KRIT1: variants seen among roughly 807,000 people sequenced by gnomAD.
KRIT1 encodes KRIT1 ankyrin repeat containing.
Under a neutral mutation model 95.8 loss-of-function variants are expected in KRIT1, and 45 were observed. That is an observed-to-expected ratio of 0.47 (90% CI 0.37 to 0.60). The LOEUF (loss-of-function observed/expected upper bound fraction) is 0.60. KRIT1 is among the 20% of genes least tolerant of loss of function. The pLI is 0.00. For synonymous variants in KRIT1, 282 were observed against 278.8 expected, an observed-to-expected ratio of 1.01 and a Z score of -0.11; for missense variants, 788 against 877.5, an observed-to-expected ratio of 0.90 and a Z score of 1.29.
chr7:92,201,809 A>T (rs913899765), intron 17 of KRIT1, among the ~76,000 whole-genome samples: 16 of 151,914 alleles, frequency 1.1e-4, no homozygotes, highest in Non-Finnish European at 2.2e-4. Flanking sequence ...TTCTTGTGAT[A>T]GTTTGCTGAG....
chr7:92,236,286 T>C lies in KRIT1; in HGVS notation c.485+127A>G, dbSNP rs1798417958. The C allele has an allele frequency of 1.9e-5, 13 of 673,534 alleles. No individual in the cohort carries two copies. The South Asian group carries it at 2.5e-4, about 13-fold the overall frequency. 41.7% of individuals were successfully genotyped at this position (673,534 alleles called of 1,614,324 possible). ...ATTTTTATATTAGAATTGAAAAACTTACCATTTTTTAATACATATATTATT... is the reference window on the plus strand; with the variant it reads ...ATTTTTATATTAGAATTGAAAAACTCACCATTTTTTAATACATATATTATT... On this transcript the variant is annotated intron_variant, in intron 7 of 18. Transcript: ENST00000394505.
At chr7:92,200,899 G>C in intron 18 of KRIT1, 95 bp from the exon 19 acceptor site, 1 of 856,780 alleles carries the variant, frequency 1.2e-6, no homozygotes, top group South Asian at 1.4e-5. Flanking sequence ...TATTTGAAAG[G>C]GAACTTTCTT....
Position 92,235,478 on chromosome 7 carries a change from T to G in KRIT1, c.654A>C (p.Lys218Asn). ...MGYSALEIKS[K>N]MLALEKADTC... ...TATCTGCTTTCTCTAGGGCTAACAT[T>G]TTACTCTTTATTTCTAGTGCACTAT... The change falls in exon 8 of 19, where the codon AAA (lysine) becomes AAC (asparagine). Residue 218 changes from lysine to asparagine, a missense_variant. Around this residue, in one of 3 missense-constraint regions of KRIT1, gnomAD observed 289 missense variants for 277.5 expected, o/e 1.04. Coordinates refer to ENST00000394505, the MANE Select transcript of KRIT1 (RefSeq NM_194454.3). The G allele has an allele frequency of 6.2e-7, 1 of 1,613,446 alleles. No individual in the cohort carries two copies. The highest frequency in any genetic ancestry group is 1.7e-5 in the Admixed American group (1 of 60,028).
chr7:92,238,569 T>A (rs1259132064), intron 5 of KRIT1, among the ~76,000 whole-genome samples: 1 of 152,216 alleles, frequency 6.6e-6, no homozygotes, highest in Non-Finnish European at 1.5e-5. Context: ...GTACAAAATA[T>A]AAGTGCTAGA....
intron 3 of KRIT1, 78 bp from the exon 4 acceptor site, chr7:92,242,215 C>T (rs1799828164): frequency 2.4e-6 from 2 of 820,918 alleles, no homozygotes; most frequent in Non-Finnish European, 2.1e-6. Flanking sequence ...AGTAATGCAT[C>T]TTAAATTGAA....
At chr7:92,242,243 AATC>A (rs1799833741) in intron 3 of KRIT1, 106 bp from the exon 4 acceptor site, 2 of 725,714 alleles carry the variant, frequency 2.8e-6, no homozygotes, top group Non-Finnish European at 4.9e-6. Flanking sequence ...ATTTCCACAT[AATC>A]ATGTCGAAAA....
At chr7:92,246,088 G>T, upstream of KRIT1, 1 of 283,438 alleles carries the variant, frequency 3.5e-6, no homozygotes. Flanking sequence ...GGTGCCAGCG[G>T]CTGAGCCGGA....
intron 17 of KRIT1, chr7:92,207,007 G>T (rs1005649624): frequency 3.3e-5 from 5 of 151,576 alleles, no homozygotes; most frequent in African/African-American, 1.2e-4. Flanking sequence ...TGACATGTGG[G>T]GACACCATAA....
chr7:92,220,934 C>T (rs1163280746), intron 14 of KRIT1, among the ~76,000 whole-genome samples: 4 of 151,344 alleles, frequency 2.6e-5, no homozygotes, highest in Admixed American at 1.3e-4. Flanking sequence ...GTGATCCACC[C>T]GCCTTGGCCT....
intron 7 of KRIT1, chr7:92,236,051 G>A: frequency 4.0e-6 from 1 of 250,760 alleles, no homozygotes; most frequent in Admixed American, 5.1e-5. Context: ...AAACTACTGA[G>A]ATGTAGGTGA....
chr7:92,214,760 A>G lies in KRIT1; in HGVS notation c.1581T>C (p.Ala527=). ...EVEKQIEDPL[A]ILILFDEARY... is the part of the protein sequence containing the mutation. ...TGGCTTCATCAAAGAGAATAAGAAT[A>G]GCTAGTGGGTCTTCAATCTTAAAGG... Residue 527 remains alanine, a synonymous_variant, in exon 15 of 19, where the codon GCT becomes GCC. Coordinates refer to ENST00000394505, the MANE Select transcript of KRIT1 (RefSeq NM_194454.3). 1 of 1,602,240 alleles carries G rather than the reference A, an allele frequency of 6.2e-7. No individual in the cohort carries two copies. Among genetic ancestry groups the G allele is most frequent in the Non-Finnish European group, 8.6e-7 (1 of 1,169,458 alleles).
At chr7:92,245,363 G>C (rs1800699014) in intron 1 of KRIT1, 192 bp from the exon 2 acceptor site, 1 of 151,912 alleles carries the variant, frequency 6.6e-6, no homozygotes, top group Non-Finnish European at 1.5e-5. Flanking sequence ...TTTGCTCAAA[G>C]AGTTTCCACC....
intron 12 of KRIT1, among the ~76,000 whole-genome samples, chr7:92,224,886 G>A (rs1001237502): frequency 6.6e-6 from 1 of 152,152 alleles, no homozygotes; most frequent in Admixed American, 6.5e-5. Context: ...CAGGCTGGGC[G>A]TGGTGGTTCA....
At chr7:92,205,928 G>T (rs565601047) in intron 17 of KRIT1, 1 of 152,268 alleles carries the variant, frequency 6.6e-6, no homozygotes, top group Non-Finnish European at 1.5e-5. Context: ...TCTAAAGTGG[G>T]ATTGAAAAGG....
In KRIT1 at chr7:92,213,901, A is replaced by G. The variant is rs149754162; in HGVS notation, c.1809T>C (p.His603=). 2.4e-4 allele frequency: 383 copies of G among 1,589,196 alleles called. 1 individual carries two copies. The highest frequency in any genetic ancestry group is 2.4e-3 in the South Asian group (218 of 90,600). The change falls in exon 16 of 19, where the codon CAT becomes CAC. Residue 603 remains histidine (H), a synonymous_variant. Transcript: ENST00000394505. Reference sequence around the variant, plus strand: ...CTATTAAACAGCTTACCTTGTATTCATGAAGTATGCGATTTGTCCAGTGAG... The same window carrying G: ...CTATTAAACAGCTTACCTTGTATTCGTGAAGTATGCGATTTGTCCAGTGAG... The part of the protein sequence containing the change: ...KAPHWTNRIL[H]EYKNLSTSEG...
intron 14 of KRIT1, 75 bp from the exon 15 acceptor site, chr7:92,214,852 G>C: frequency 9.8e-7 from 1 of 1,018,700 alleles, no homozygotes; most frequent in Non-Finnish European, 1.5e-6. Flanking sequence ...TATGGGAAAA[G>C]CAAAAGCTAC....
chr7:92,229,824 T>C (rs1796923084), intron 10 of KRIT1, among the ~76,000 whole-genome samples: 1 of 152,362 alleles, frequency 6.6e-6, no homozygotes, highest in East Asian at 1.9e-4. Context: ...AGTGTCTTTA[T>C]ATTCTCCAAA....
chr7:92,210,859 A>G (rs558623892), intron 17 of KRIT1, among the ~76,000 whole-genome samples: 3 of 152,340 alleles, frequency 2.0e-5, no homozygotes, highest in Non-Finnish European at 2.9e-5. Flanking sequence ...CCCATTATAA[A>G]GTAGGCAATG....
At chr7:92,215,968 G>A (rs868399594) in intron 14 of KRIT1, among the ~76,000 whole-genome samples, 10 of 152,054 alleles carry the variant, frequency 6.6e-5, no homozygotes, top group Middle Eastern at 3.4e-3. Context: ...GGTGGCTCAC[G>A]CCTGTAATCC....
Sources: gnomAD v4.1 joint callset for allele counts (sites outside exome capture counted in the v4.1 genomes callset) on GRCh38, gnomAD v4.1.1 for gene constraint, gnomAD v4.1.1 regional missense constraint, MANE v1.5 for transcripts, NCBI Gene and HGNC (gene_info 2026-07-23, HGNC 2026-07-21) for gene names.